Variants in B3GAT1 observed in about 807,000 individuals in gnomAD.
B3GAT1 encodes galactosylgalactosylxylosylprotein 3-beta-glucuronosyltransferase 1.
Under a neutral mutation model 28.4 loss-of-function variants are expected in B3GAT1, and 11 were observed. The ratio of observed to expected loss-of-function variants is 0.39; its 90% CI spans 0.24 to 0.64. The LOEUF is 0.64. Ranked by LOEUF, B3GAT1 falls within the 30% of genes least tolerant of loss-of-function variation. The pLI is 0.50. For synonymous variants in B3GAT1, 255 were observed against 223.1 expected (o/e 1.14, Z -1.27); for missense variants, 375 against 491.0 (o/e 0.76, Z 2.23).
intron 3 of B3GAT1, among the ~76,000 whole-genome samples, 157 bp downstream of exon 3, chr11:134,383,523 C>G (rs917137709): frequency 6.6e-6 from 1 of 152,228 alleles, no homozygotes; most frequent in Non-Finnish European, 1.5e-5. Context: ...GCCCGCAGTT[C>G]CATCCCTTTC....
At chr11:134,408,253 G>A (rs1327489305) in intron 1 of B3GAT1, among the ~76,000 whole-genome samples, 1 of 126,254 alleles carries the variant, frequency 7.9e-6, no homozygotes, top group Non-Finnish European at 1.6e-5. Context: ...TGAAGAGGGA[G>A]GTGGGACAGC....
Position 134,383,826 on chromosome 11 carries a change from G to T in B3GAT1, c.475C>A (p.Arg159Ser), listed in dbSNP as rs1335819592. The stretch of plus-strand genomic sequence containing the variant: ...GTGCCCCGCGGGATGCGTGGGTCGC[G>T]GGCGTCTCCGCGCAGCTTGTAGTTG... ...PRNYKLRGDA[R>S]DPRIPRGTMQ... Residue 159 changes from arginine to serine, a missense_variant, in exon 3 of 6, where the codon CGC (arginine) becomes AGC (serine). Arg to Ser is a moderately radical substitution (Grantham distance 110, BLOSUM62 -1). Coordinates refer to ENST00000312527, the MANE Select transcript of B3GAT1 (RefSeq NM_054025.3). 6.3e-7 allele frequency: 1 copy of T among 1,595,094 alleles called. No individual in the cohort carries two copies.
At chr11:134,392,176 C>G (rs1944423480) in intron 1 of B3GAT1, 1 of 148,818 alleles carries the variant, frequency 6.7e-6, no homozygotes, top group Non-Finnish European at 1.5e-5. Flanking sequence ...GCAAGAGCGC[C>G]AACAAAACAG....
intron 1 of B3GAT1, among the ~76,000 whole-genome samples, chr11:134,405,641 C>T (rs1451432654): frequency 6.6e-6 from 1 of 152,198 alleles, no homozygotes; most frequent in Admixed American, 6.5e-5. Context: ...CCCAGCCCCA[C>T]ACATCTGCCT....
Position 134,412,126 on chromosome 11 carries a change from C to CGGGGAG in B3GAT1, c.-607_-602dup, listed in dbSNP as rs1259573296. ...GGGGAGGGGGAGCGGGGAGGGGGAG[C>CGGGGAG]GGGGAGCGGGCGCGGGGGCGAGAGG... On this transcript the variant is annotated 5_prime_UTR_variant, in exon 1 of 6. Coordinates refer to ENST00000312527, the MANE Select transcript of B3GAT1 (RefSeq NM_054025.3). Among the ~76,000 whole-genome samples, 16 of 20,618 alleles carry CGGGGAG rather than the reference C, an allele frequency of 7.8e-4. No homozygotes were observed. Among genetic ancestry groups the CGGGGAG allele is most frequent in the Non-Finnish European group, 1.3e-3 (13 of 9,880 alleles). 13.5% of individuals were successfully genotyped at this position (20,618 alleles called of 152,430 possible). A position where few individuals can be genotyped will look rare whatever the true frequency, so the allele number is the denominator to read the frequency against.
In B3GAT1 at chr11:134,412,208, G is replaced by A. The variant is rs1460303788; in HGVS notation, c.-683C>T. Among the ~76,000 whole-genome samples the A allele has an allele frequency of 1.4e-5, 2 of 145,422 alleles. No homozygotes were observed. Among genetic ancestry groups the A allele is most frequent in the Admixed American group, 1.4e-4 (2 of 14,734 alleles). On this transcript the variant is annotated 5_prime_UTR_variant, in exon 1 of 6. Coordinates refer to ENST00000312527, the MANE Select transcript of B3GAT1 (RefSeq NM_054025.3). ...GACCGGGCCGGCGCAGAGTCCCCGA[G>A]GTGGCGGCGGATGCGCCGGTGCCGC...
intron 1 of B3GAT1, chr11:134,391,657 T>G (rs1252680893): frequency 2.0e-5 from 3 of 153,064 alleles, no homozygotes; most frequent in African/African-American, 7.2e-5. Context: ...GAGGAGGAGA[T>G]GGGTGGAGGC....
In B3GAT1 at chr11:134,383,014, G is replaced by GC; in HGVS notation, c.622-9_622-8insG. ...CCTCCTGGTGCTGCGCATCTACAAGGGGGGGGTCCAGAGTCAGGGCGCCGG... is the reference window on the plus strand; with the variant it reads ...CCTCCTGGTGCTGCGCATCTACAAGGCGGGGGGTCCAGAGTCAGGGCGCCGG... On this transcript the variant is annotated splice_polypyrimidine_tract_variant and intron_variant, in intron 3 of 5. Coordinates refer to ENST00000312527, the MANE Select transcript of B3GAT1 (RefSeq NM_054025.3). 6.5e-7 allele frequency: 1 copy of GC among 1,542,360 alleles called. No individual in the cohort carries two copies. Among genetic ancestry groups the GC allele is most frequent in the South Asian group, 1.2e-5 (1 of 84,012 alleles).
At chr11:134,400,030 G>C (rs1196391548) in intron 1 of B3GAT1, among the ~76,000 whole-genome samples, 1 of 152,162 alleles carries the variant, frequency 6.6e-6, no homozygotes. Context: ...CTGCTGTCAT[G>C]CTGCCCTAGG....
intron 2 of B3GAT1, 129 bp from the exon 3 acceptor site, chr11:134,384,317 G>T (rs1412131997): frequency 1.6e-6 from 2 of 1,242,830 alleles, no homozygotes; most frequent in African/African-American, 3.0e-5. Flanking sequence ...TCAGACCCCC[G>T]CCTTGCCTGA....
In B3GAT1 at chr11:134,409,226, C is replaced by G. The variant is rs147338919; in HGVS notation, c.-282+2581G>C. Among the ~76,000 whole-genome samples, 31 of 152,312 alleles carry G rather than the reference C, an allele frequency of 2.0e-4. No individual in the cohort carries two copies. In the East Asian group the frequency reaches 5.0e-3, roughly 25 times the overall value. On this transcript the variant is annotated intron_variant, in intron 1 of 5. Transcript: ENST00000312527. The stretch of plus-strand genomic sequence containing the variant: ...GATGGAGATGAGACTGGACCTCAGA[C>G]AGCCTGGCCAAGGGCCTGTCCCCAC...
In B3GAT1 at chr11:134,384,031, C is replaced by T. The variant is rs755474939; in HGVS notation, c.270G>A (p.Thr90=). ...TCTGCACCGGGCGGCTGTAGGTGGGCGTCACCACGTGGATGGTGGGCAGCG... is the reference window on the plus strand; with the variant it reads ...TCTGCACCGGGCGGCTGTAGGTGGGTGTCACCACGTGGATGGTGGGCAGCG... ...SDTLPTIHVV[T]PTYSRPVQKA... Residue 90 remains threonine, a synonymous_variant, in exon 3 of 6, where the codon ACG becomes ACA. Transcript: ENST00000312527. The T allele has an allele frequency of 6.2e-6, 10 of 1,605,422 alleles. No homozygotes were observed. In the East Asian group the frequency reaches 1.8e-4, roughly 29 times the overall value.
Position 134,380,217 on chromosome 11 carries a change from GCT to G in B3GAT1, c.*543_*544del, listed in dbSNP as rs1037994690. Reference sequence around the variant, plus strand: ...CAGAGGTATGTCTGATTTGGGGGCAGCTCTCGGGAAGAGCAGGGGCCCAGGAG... The same window carrying G: ...CAGAGGTATGTCTGATTTGGGGGCAGCTCGGGAAGAGCAGGGGCCCAGGAG... On this transcript the variant is annotated 3_prime_UTR_variant, in exon 6 of 6. Transcript: ENST00000312527. The G allele has an allele frequency of 6.6e-6, 1 of 152,330 alleles. No individual in the cohort carries two copies. Among genetic ancestry groups the G allele is most frequent in the Non-Finnish European group, 1.5e-5 (1 of 68,144 alleles). The allele number at this position is 152,330 out of a possible 1,614,324, so 9.4% of individuals were successfully genotyped here.
At chr11:134,404,768 T>A (rs1292256388) in intron 1 of B3GAT1, among the ~76,000 whole-genome samples, 1 of 152,232 alleles carries the variant, frequency 6.6e-6, no homozygotes, top group Admixed American at 6.5e-5. Context: ...GCTGGAGCAC[T>A]TGTTCTGAGA....
intron 3 of B3GAT1, 139 bp from the exon 4 acceptor site, chr11:134,383,145 AGCCCTG>A: frequency 2.1e-6 from 2 of 959,400 alleles, no homozygotes; most frequent in Non-Finnish European, 3.0e-6. Flanking sequence ...TGTCCAGTAC[AGCCCTG>A]CCCCCAGGAC....
rs912995054 is a variant in B3GAT1, at chr11:134,393,054, G to A, written c.-281-5114C>T. ...CACAGCTCGCTCCAGTGCAGGTGAC[G>A]TGTGAACGCAAAATGTTCCCAAAGG... On this transcript the variant is annotated intron_variant, in intron 1 of 5. Transcript: ENST00000312527. This position sits in a 1 kb window ranked among gnomAD's most constrained non-coding sequence, Gnocchi z 4.0. 2.6e-5 allele frequency among the ~76,000 whole-genome samples: 4 copies of A among 152,190 alleles called. No homozygotes were observed. The highest frequency in any genetic ancestry group is 1.9e-4 in the East Asian group (1 of 5,182).
chr11:134,392,706 G>A (rs150669430), intron 1 of B3GAT1, among the ~76,000 whole-genome samples: 16 of 152,222 alleles, frequency 1.1e-4, no homozygotes, highest in Admixed American at 5.9e-4. Flanking sequence ...GGTGCTGTGC[G>A]CTGTGAATAA....
At position 134,412,108 on chromosome 11, in the gene B3GAT1, G is replaced by GGGGAGGT. The variant is rs1173021586; in HGVS notation, c.-584_-583insACCTCCC. On this transcript the variant is annotated 5_prime_UTR_variant, in exon 1 of 6. Transcript: ENST00000312527. ...AGGCGGGGGGCGGGGGGCGGGGAGG[G>GGGGAGGT]GGAGCGGGGAGGGGGAGCGGGGAGC... Among the ~76,000 whole-genome samples, 40 of 107,652 alleles carry GGGGAGGT rather than the reference G, an allele frequency of 3.7e-4. No homozygotes were observed. The highest frequency in any genetic ancestry group is 1.1e-3 in the South Asian group (3 of 2,690). The allele number at this position is 107,652 out of a possible 152,430, so 70.6% of individuals were successfully genotyped here.
rs1290606937 is a variant in B3GAT1 at position 134,401,977 on chromosome 11, G to C, written c.-282+9830C>G. Among the ~76,000 whole-genome samples the C allele has an allele frequency of 1.3e-3, 154 of 122,958 alleles. 5 individuals are homozygous for C. Among genetic ancestry groups the C allele is most frequent in the African/African-American group, 4.1e-3 (147 of 36,180 alleles). 80.7% of individuals were successfully genotyped at this position (122,958 alleles called of 152,430 possible). On this transcript the variant is annotated intron_variant, in intron 1 of 5. Transcript: ENST00000312527. ...AAAGGGTGTGGCCTGGGGCGGGGGG[G>C]GGCGGGCAGCCTGACCACTGTCGGG... is the stretch of plus-strand genomic sequence containing the variant.
Sources: allele counts gnomAD v4.1 joint callset (sites outside exome capture counted in the v4.1 genomes callset), GRCh38; gene constraint gnomAD v4.1.1; non-coding constraint Gnocchi (gnomAD v3.1); transcripts MANE v1.5; gene names NCBI Gene and HGNC (gene_info 2026-07-23, HGNC 2026-07-21).